XYLB: variants seen among roughly 807,000 people sequenced by gnomAD.
XYLB encodes the protein xylulokinase.
A neutral mutation model predicts 78.7 loss-of-function variants in XYLB; 62 were observed. The observed-to-expected ratio is 0.79, with a 90% confidence interval of 0.64 to 0.97. The LOEUF is 0.97. Among genes scored for constraint, XYLB ranks in the 50% least tolerant of loss-of-function variants. XYLB has a pLI of 0.00. For synonymous variants in XYLB, 245 were observed against 247.4 expected, an observed-to-expected ratio of 0.99 and a Z score of 0.09; for missense variants, 687 against 676.8, an observed-to-expected ratio of 1.02 and a Z score of -0.17.
rs1405206798 is a variant in XYLB at position 38,413,222 on chromosome 3, G to A, written c.*209G>A. 1.1e-5 allele frequency: 5 copies of A among 459,908 alleles called. No individual in the cohort carries two copies. Among genetic ancestry groups the A allele is most frequent in the African/African-American group, 2.0e-5 (1 of 48,872 alleles). The allele number at this position is 459,908 out of a possible 1,614,324, so 28.5% of individuals were successfully genotyped here. ...CCTGTCCCTGTGCCCGTGTGCCCCA[G>A]GGCAGGAAAGCATCTCTCTTTTCCT... On this transcript the variant is annotated 3_prime_UTR_variant, in exon 19 of 19. Coordinates refer to ENST00000207870, the MANE Select transcript of XYLB (RefSeq NM_005108.4).
At chr3:38,355,046 T>C (rs184290963) in intron 2 of XYLB, among the ~76,000 whole-genome samples, 19 of 152,348 alleles carry the variant, frequency 1.2e-4, no homozygotes, top group Admixed American at 1.0e-3. Context: ...CTTTGCAATG[T>C]GACTGTAATT....
At chr3:38,353,186 T>C (rs543705880) in intron 2 of XYLB, among the ~76,000 whole-genome samples, 1 of 152,370 alleles carries the variant, frequency 6.6e-6, no homozygotes, top group African/African-American at 2.4e-5. Flanking sequence ...TCTTGTAAGA[T>C]TTCAGCTTTC....
chr3:38,408,934 C>T (rs1461234399), intron 18 of XYLB, among the ~76,000 whole-genome samples: 3 of 152,210 alleles, frequency 2.0e-5, no homozygotes, highest in East Asian at 1.9e-4. Flanking sequence ...CAGATGGATT[C>T]ACAGCCGAAT....
chr3:38,415,343 A>G (rs1708751728), downstream of XYLB, among the ~76,000 whole-genome samples: 1 of 152,242 alleles, frequency 6.6e-6, no homozygotes, highest in South Asian at 2.1e-4. Flanking sequence ...ATTCTACTAA[A>G]AGACAAGCTT....
chr3:38,347,416 G>T (rs916662797), intron 1 of XYLB, among the ~76,000 whole-genome samples: 9 of 152,066 alleles, frequency 5.9e-5, no homozygotes, highest in Non-Finnish European at 1.3e-4. Flanking sequence ...GGTGGCTCTT[G>T]CCGGTAATCC....
rs1328405878 is a variant in XYLB, at chr3:38,373,646, A to T, written c.848-816A>T. ...CATTCGGTCTCGTCTCTTTGTTGTT[A>T]TAGGATAAGTTCTCAAAGGTGGGAT... On this transcript the variant is annotated intron_variant, in intron 10 of 18. Coordinates refer to ENST00000207870, the MANE Select transcript of XYLB (RefSeq NM_005108.4). Among the ~76,000 whole-genome samples, 6 of 152,146 alleles carry T rather than the reference A, an allele frequency of 3.9e-5. No individual in the cohort carries two copies. The East Asian group carries it at 7.7e-4, about 20-fold the overall frequency.
intron 2 of XYLB, chr3:38,356,425 G>A (rs1397027975): frequency 2.0e-5 from 3 of 152,248 alleles, no homozygotes; most frequent in Non-Finnish European, 4.4e-5. Context: ...AGGAAACCCT[G>A]TATTAATTAG....
chr3:38,393,267 C>T (rs1475577090), intron 15 of XYLB, among the ~76,000 whole-genome samples: 4 of 152,130 alleles, frequency 2.6e-5, no homozygotes, highest in East Asian at 3.9e-4. Flanking sequence ...CTCAGCATCC[C>T]GAGTAGCTAG....
At chr3:38,378,372 C>T (rs975750147) in intron 14 of XYLB, among the ~76,000 whole-genome samples, 1 of 152,232 alleles carries the variant, frequency 6.6e-6, no homozygotes, top group African/African-American at 2.4e-5. Flanking sequence ...GCCCTTGCTC[C>T]CCAGAGCCTG....
chr3:38,432,718 A>C, the XYLB span, among the ~76,000 whole-genome samples: 1 of 152,256 alleles, frequency 6.6e-6, no homozygotes. Flanking sequence ...AAGCTCTGAA[A>C]TAATCTCCTT....
intron 2 of XYLB, among the ~76,000 whole-genome samples, chr3:38,352,828 A>G (rs1294774411): frequency 6.6e-6 from 1 of 152,058 alleles, no homozygotes; most frequent in African/African-American, 2.4e-5. Context: ...AAAAAAAACT[A>G]GAAGGATACA....
At chr3:38,363,335 A>G (rs1467832818) in intron 4 of XYLB, among the ~76,000 whole-genome samples, 2 of 152,220 alleles carry the variant, frequency 1.3e-5, no homozygotes, top group Admixed American at 6.5e-5. Context: ...TGGGGGCACC[A>G]CAATTGCTTT....
chr3:38,417,636 CT>C (rs758843142), downstream of XYLB, among the ~76,000 whole-genome samples: 26 of 152,200 alleles, frequency 1.7e-4, no homozygotes, highest in East Asian at 1.7e-3. Context: ...AATCGCAGCA[CT>C]TTGAGAGGCC....
intron 15 of XYLB, among the ~76,000 whole-genome samples, chr3:38,395,167 G>A (rs1179587907): frequency 6.6e-6 from 1 of 152,210 alleles, no homozygotes; most frequent in African/African-American, 2.4e-5. Context: ...GAAAGAAAGT[G>A]CTTCTAAATC....
chr3:38,437,803 G>C, the XYLB span, among the ~76,000 whole-genome samples: 1 of 152,152 alleles, frequency 6.6e-6, no homozygotes, highest in African/African-American at 2.4e-5. Flanking sequence ...CGGGTGCAGT[G>C]GCTCATGCCT....
the XYLB span, among the ~76,000 whole-genome samples, chr3:38,429,089 G>T: frequency 6.6e-6 from 1 of 152,190 alleles, no homozygotes; most frequent in East Asian, 1.9e-4. Flanking sequence ...CTAACATCCA[G>T]TGCTGAATGC....
At chr3:38,434,642 A>C in the XYLB span, among the ~76,000 whole-genome samples, 1 of 152,246 alleles carries the variant, frequency 6.6e-6, no homozygotes, top group Non-Finnish European at 1.5e-5. Flanking sequence ...TCACTGGTAA[A>C]GCAATCACAC....
chr3:38,376,133 C>G lies in XYLB; in HGVS notation c.1021C>G (p.Leu341Val). 1 of 1,613,812 alleles carries G rather than the reference C, an allele frequency of 6.2e-7. No homozygotes were observed. The highest frequency in any genetic ancestry group is 1.1e-5 in the South Asian group (1 of 91,076). ...MALLCFKNGS[L>V]MREKIRNESV... is the part of the protein sequence containing the mutation. The stretch of plus-strand genomic sequence containing the variant: ...CTTCTGCAGCTTTAAAAATGGCTCC[C>G]TCATGAGAGAGAAGATCCGCAACGA... The change falls in exon 13 of 19, where the codon CTC becomes GTC. Residue 341 changes from leucine to valine, a missense_variant. Physicochemically the swap from Leu to Val is conservative, Grantham distance 32. Coordinates refer to ENST00000207870, the MANE Select transcript of XYLB (RefSeq NM_005108.4).
chr3:38,410,147 C>T (rs1204010644), intron 18 of XYLB, among the ~76,000 whole-genome samples: 3 of 152,188 alleles, frequency 2.0e-5, no homozygotes, highest in Admixed American at 6.5e-5. Flanking sequence ...TACAAGGCTA[C>T]AGTAATCAAA....
Sources: gnomAD v4.1 joint callset for allele counts (sites outside exome capture counted in the v4.1 genomes callset) on GRCh38, gnomAD v4.1.1 for gene constraint, MANE v1.5 for transcripts, NCBI Gene and HGNC (gene_info 2026-07-23, HGNC 2026-07-21) for gene names.